Variants in RORC observed in about 807,000 individuals in gnomAD.
The protein encoded by RORC is nuclear receptor ROR-gamma.
A neutral mutation model predicts 64.5 loss-of-function variants in RORC; 13 were observed. The ratio of observed to expected loss-of-function variants is 0.20; its 90% confidence interval spans 0.13 to 0.32. RORC has a LOEUF of 0.32. RORC is among the 10% of genes least tolerant of loss of function. The pLI is 1.00. For missense variants in RORC, 468 were observed against 669.5 expected, an observed-to-expected ratio of 0.70 and a Z score of 3.32; for synonymous variants, 277 against 259.3, an observed-to-expected ratio of 1.07 and a Z score of -0.65.
Position 151,815,150 on chromosome 1 carries a change from T to C in RORC, c.574A>G (p.Lys192Glu), listed in dbSNP as rs1651707676. ...SGPSYSNNLA[K>E]AGLNGASCHL... ...CATGAGGCCCCATTGAGCCCTGCCT[T>C]GGCCAAGTTGTTGGAATATGAGGGC... Residue 192 changes from lysine (K) to glutamate (E), a missense_variant, in exon 5 of 11, where the codon AAG (lysine) becomes GAG (glutamate). Physicochemically the swap from Lys to Glu is moderately conservative, Grantham distance 56 (BLOSUM62 1). Transcript: ENST00000318247. 1.2e-6 allele frequency: 2 copies of C among 1,613,932 alleles called. No individual in the cohort carries two copies.
chr1:151,813,739 C>A, intron 6 of RORC, 119 bp from the exon 7 acceptor site: 1 of 1,152,574 alleles, frequency 8.7e-7, no homozygotes, highest in South Asian at 1.6e-5. Context: ...ATGTTCTCAA[C>A]TAGCATTTTC....
intron 2 of RORC, among the ~76,000 whole-genome samples, chr1:151,819,097 G>A (rs763112716): frequency 6.6e-6 from 1 of 152,144 alleles, no homozygotes; most frequent in Non-Finnish European, 1.5e-5. Flanking sequence ...GTCCCCCCAG[G>A]ACCAGGCGGT....
chr1:151,810,133 G>A (rs1651462368), intron 10 of RORC, among the ~76,000 whole-genome samples: 1 of 151,962 alleles, frequency 6.6e-6, no homozygotes, highest in South Asian at 2.1e-4. Context: ...TTGTACCCTA[G>A]TCCCACACCC....
intron 10 of RORC, among the ~76,000 whole-genome samples, chr1:151,809,689 C>G (rs983824941): frequency 6.6e-6 from 1 of 152,192 alleles, no homozygotes; most frequent in Admixed American, 6.5e-5. Context: ...TCCTGTCTCT[C>G]CTCCTTCAAA....
At chr1:151,825,694 C>A (rs1265290803) in intron 2 of RORC, among the ~76,000 whole-genome samples, 2 of 152,140 alleles carry the variant, frequency 1.3e-5, no homozygotes, top group Admixed American at 6.5e-5. Flanking sequence ...TTTGGAGGTT[C>A]TTTTTGGAAC....
In RORC at chr1:151,814,895, A is replaced by G. The variant is rs199973903; in HGVS notation, c.811+18T>C. 12 of 1,604,018 alleles carry G rather than the reference A, an allele frequency of 7.5e-6. No homozygotes were observed. The highest frequency in any genetic ancestry group is 5.0e-5 in the Admixed American group (3 of 59,468). On this transcript the variant is annotated intron_variant, in intron 5 of 10. Coordinates refer to ENST00000318247, the MANE Select transcript of RORC (RefSeq NM_005060.4). The stretch of plus-strand genomic sequence containing the variant: ...CTCCCTCATCTCTACCACCCTCTCC[A>G]CCTCCCCAGCTGCTCACCTATCTCT...
chr1:151,824,289 G>A (rs1452161363), intron 2 of RORC, among the ~76,000 whole-genome samples: 3 of 152,194 alleles, frequency 2.0e-5, no homozygotes, highest in South Asian at 2.1e-4. Flanking sequence ...CCGCCTGGGT[G>A]GGGCTGTGTG....
chr1:151,825,180 G>A (rs1178871059), intron 2 of RORC, among the ~76,000 whole-genome samples: 1 of 152,146 alleles, frequency 6.6e-6, no homozygotes, highest in African/African-American at 2.4e-5. Context: ...GGGTGAGGCC[G>A]AGGTCTTTCC....
rs1426651842 is a variant in RORC at position 151,812,966 on chromosome 1, G to A, written c.1266C>T (p.Ala422=). The A allele has an allele frequency of 1.2e-6, 2 of 1,612,688 alleles. No homozygotes were observed. The highest frequency in any genetic ancestry group is 1.1e-5 in the South Asian group (1 of 91,042). Residue 422 remains alanine (A), a synonymous_variant, in exon 9 of 11, where the codon GCC becomes GCT. Transcript: ENST00000318247. Reference sequence around the variant, plus strand: ...ACTCACGGGCATTGATGAGAACAAGGGCTGTGTAGAGGGCAATCTCATCCT... The same window carrying A: ...ACTCACGGGCATTGATGAGAACAAGAGCTGTGTAGAGGGCAATCTCATCCT... ...FSEDEIALYT[A]LVLINAHRPG...
chr1:151,829,468 C>T lies in RORC; in HGVS notation c.41-10G>A. 6.6e-7 allele frequency: 1 copy of T among 1,526,570 alleles called. No individual in the cohort carries two copies. The highest frequency in any genetic ancestry group is 8.7e-7 in the Non-Finnish European group (1 of 1,145,066). The allele number at this position is 1,526,570 out of a possible 1,614,324, so 94.6% of individuals were successfully genotyped here. A position where few individuals can be genotyped will look rare whatever the true frequency, so the allele number is the denominator to read the frequency against. On this transcript the variant is annotated splice_polypyrimidine_tract_variant and intron_variant, in intron 1 of 10. Transcript: ENST00000318247. ...TTTGCAGCCAGCAGCTCTGTAAAGA[C>T]AAGAGAGGGGGTTGACGTCAAAGGT... is the stretch of plus-strand genomic sequence containing the variant.
intron 2 of RORC, among the ~76,000 whole-genome samples, chr1:151,824,799 A>C (rs1321152936): frequency 6.6e-6 from 1 of 152,306 alleles, no homozygotes; most frequent in East Asian, 1.9e-4. Context: ...TGTTTTGCGG[A>C]TGGTAGACCA....
Position 151,813,412 on chromosome 1 carries a change from CT to C in RORC, c.1067-67del, listed in dbSNP as rs1651618806. ...AAAGCCAGGATCTGACTCTGTCCCC[CT>C]GATTTCCTTAAGCCACCTCCCTCCA... On this transcript the variant is annotated intron_variant, in intron 7 of 10. Coordinates refer to ENST00000318247, the MANE Select transcript of RORC (RefSeq NM_005060.4). The C allele has an allele frequency of 1.1e-5, 18 of 1,609,598 alleles. No homozygotes were observed. In the South Asian group the frequency reaches 1.4e-4, roughly 13 times the overall value.
chr1:151,825,741 T>C (rs1652169425), intron 2 of RORC, among the ~76,000 whole-genome samples: 2 of 152,174 alleles, frequency 1.3e-5, no homozygotes. Flanking sequence ...CCATTGCTGC[T>C]GTCAGGGAGC....
intron 1 of RORC, 63 bp from the exon 2 acceptor site, chr1:151,829,521 T>G: frequency 7.2e-7 from 1 of 1,391,948 alleles, no homozygotes; most frequent in Non-Finnish European, 9.5e-7. Context: ...TGAGACACTT[T>G]CCCCACTCCT....
rs751344151 is a variant in RORC at position 151,814,893 on chromosome 1, C to T, written c.811+20G>A. 3 of 1,605,034 alleles carry T rather than the reference C, an allele frequency of 1.9e-6. No individual in the cohort carries two copies. Among genetic ancestry groups the T allele is most frequent in the East Asian group, 2.2e-5 (1 of 44,772 alleles). ...CCCTCCCTCATCTCTACCACCCTCT[C>T]CACCTCCCCAGCTGCTCACCTATCT... On this transcript the variant is annotated intron_variant, in intron 5 of 10. Transcript: ENST00000318247.
chr1:151,808,225 C>T (rs922162320), intron 10 of RORC, among the ~76,000 whole-genome samples: 2 of 152,216 alleles, frequency 1.3e-5, no homozygotes, highest in Non-Finnish European at 2.9e-5. Flanking sequence ...ATGCTTAGCA[C>T]ATGGCACATG....
At chr1:151,809,542 C>A (rs1156787107) in intron 10 of RORC, among the ~76,000 whole-genome samples, 1 of 152,124 alleles carries the variant, frequency 6.6e-6, no homozygotes, top group Non-Finnish European at 1.5e-5. Context: ...GGAACAGGGG[C>A]TCAGTTAGGA....
intron 7 of RORC, 62 bp downstream of exon 7, chr1:151,813,426 C>A: frequency 1.2e-6 from 2 of 1,611,008 alleles, no homozygotes; most frequent in Non-Finnish European, 1.7e-6. Context: ...TTTCCTTAAG[C>A]CACCTCCCTC....
At chr1:151,828,509 T>C (rs1652282455) in intron 2 of RORC, among the ~76,000 whole-genome samples, 1 of 152,184 alleles carries the variant, frequency 6.6e-6, no homozygotes, top group South Asian at 2.1e-4. Context: ...AGTGCCCTTC[T>C]TACCTGCTGT....
Sources: allele counts gnomAD v4.1 joint callset (sites outside exome capture counted in the v4.1 genomes callset), GRCh38; gene constraint gnomAD v4.1.1; transcripts MANE v1.5; gene names NCBI Gene and HGNC (gene_info 2026-07-23, HGNC 2026-07-21).